Variants in GABBR2 observed in about 807,000 individuals in gnomAD.
The protein encoded by GABBR2 is G-protein coupled receptor 51.
A neutral mutation model predicts 105.6 loss-of-function variants in GABBR2; 23 were observed. The observed-to-expected ratio is 0.22, with a 90% CI of 0.16 to 0.31. GABBR2 has a LOEUF of 0.31. GABBR2 is among the 10% of genes least tolerant of loss of function. The pLI, the probability that GABBR2 is intolerant of heterozygous loss-of-function variation, is 1.00. For synonymous variants in GABBR2, 478 were observed against 499.7 expected (o/e 0.96, Z 0.58); for missense variants, 734 against 1,245.5 (o/e 0.59, Z 6.18).
At chr9:98,518,198 C>G (rs929171862) in intron 3 of GABBR2, among the ~76,000 whole-genome samples, 6 of 152,186 alleles carry the variant, frequency 3.9e-5, no homozygotes, top group African/African-American at 4.8e-5. Flanking sequence ...CCAGCCATTG[C>G]TAGCCCCTGG....
At chr9:98,391,965 G>A (rs1246675992) in intron 9 of GABBR2, among the ~76,000 whole-genome samples, 3 of 152,178 alleles carry the variant, frequency 2.0e-5, no homozygotes, top group South Asian at 2.1e-4. Flanking sequence ...GTAGGGGTCC[G>A]AGTGAGCGGG....
At chr9:98,378,664 G>A (rs1588130282) in intron 11 of GABBR2, among the ~76,000 whole-genome samples, 1 of 152,292 alleles carries the variant, frequency 6.6e-6, no homozygotes, top group East Asian at 1.9e-4. Context: ...AGACCCCCAG[G>A]TGGCTCAGTG....
At chr9:98,412,196 C>T (rs988807515) in intron 7 of GABBR2, among the ~76,000 whole-genome samples, 5 of 152,364 alleles carry the variant, frequency 3.3e-5, no homozygotes, top group African/African-American at 1.2e-4. Flanking sequence ...AGCTTTCATG[C>T]TTCAGCCAGT....
At chr9:98,524,396 A>T (rs1285377043) in intron 3 of GABBR2, among the ~76,000 whole-genome samples, 4 of 152,242 alleles carry the variant, frequency 2.6e-5, no homozygotes, top group Non-Finnish European at 5.9e-5. Flanking sequence ...AAATAGATGA[A>T]TTGGTTAAAA....
At chr9:98,598,440 A>C (rs1829270385) in intron 1 of GABBR2, among the ~76,000 whole-genome samples, 1 of 152,226 alleles carries the variant, frequency 6.6e-6, no homozygotes. Flanking sequence ...TGCATAAAGA[A>C]GAAAACAAAG....
chr9:98,600,969 C>G (rs968144261), intron 1 of GABBR2, among the ~76,000 whole-genome samples: 2 of 152,118 alleles, frequency 1.3e-5, no homozygotes, highest in African/African-American at 2.4e-5. Context: ...GCCCTCTGGT[C>G]CCCCGGTGAG....
chr9:98,420,825 G>C (rs1369949494), intron 7 of GABBR2, among the ~76,000 whole-genome samples: 1 of 152,236 alleles, frequency 6.6e-6, no homozygotes, highest in Non-Finnish European at 1.5e-5. Context: ...AGGTGGGAAA[G>C]TAGGCAGAGA....
chr9:98,648,282 C>T (rs1425426302), intron 1 of GABBR2, among the ~76,000 whole-genome samples: 1 of 151,980 alleles, frequency 6.6e-6, no homozygotes, highest in African/African-American at 2.4e-5. Context: ...CAGGCAGCTG[C>T]CACCACGCCC....
intron 1 of GABBR2, among the ~76,000 whole-genome samples, chr9:98,618,642 G>A (rs1173508477): frequency 6.6e-6 from 1 of 151,790 alleles, no homozygotes; most frequent in Non-Finnish European, 1.5e-5. Context: ...CTCTGTCTCT[G>A]TGAGTGCTTC....
chr9:98,596,951 C>T (rs911064189), intron 1 of GABBR2, among the ~76,000 whole-genome samples: 1 of 152,134 alleles, frequency 6.6e-6, no homozygotes, highest in Non-Finnish European at 1.5e-5. Flanking sequence ...GGAGGCCAGG[C>T]GACTACCTCG....
chr9:98,390,529 A>G (rs1461126889), intron 9 of GABBR2, among the ~76,000 whole-genome samples: 1 of 152,124 alleles, frequency 6.6e-6, no homozygotes, highest in African/African-American at 2.4e-5. Flanking sequence ...AAGCAATTCC[A>G]TGTAAACTAA....
intron 13 of GABBR2, among the ~76,000 whole-genome samples, chr9:98,322,112 G>A (rs1190723368): frequency 6.6e-6 from 1 of 152,044 alleles, no homozygotes; most frequent in African/African-American, 2.4e-5. Context: ...AGATGCAGGG[G>A]ATCCTATTTG....
At chr9:98,546,849 T>C (rs1828412512) in intron 2 of GABBR2, among the ~76,000 whole-genome samples, 1 of 61,262 alleles carries the variant, frequency 1.6e-5, no homozygotes, top group Non-Finnish European at 4.2e-5. Context: ...TCTATTCTTC[T>C]CTATTCTGGC....
chr9:98,424,380 G>A (rs1311033085), intron 7 of GABBR2, among the ~76,000 whole-genome samples: 1 of 151,010 alleles, frequency 6.6e-6, no homozygotes, highest in Non-Finnish European at 1.5e-5. Flanking sequence ...ATATCATACT[G>A]AATGGGCAAA....
chr9:98,479,103 A>G (rs1001000167), intron 5 of GABBR2, among the ~76,000 whole-genome samples: 1 of 151,750 alleles, frequency 6.6e-6, no homozygotes, highest in African/African-American at 2.4e-5. Flanking sequence ...TATATTTTCT[A>G]TTTTTCTCAT....
At chr9:98,535,203 T>G (rs563293767) in intron 3 of GABBR2, among the ~76,000 whole-genome samples, 111 of 152,250 alleles carry the variant, frequency 7.3e-4, no homozygotes, top group Non-Finnish European at 9.3e-4. Context: ...GTTCAAGTGA[T>G]TCTCCTGCCT....
chr9:98,584,455 C>G (rs1283445233), intron 1 of GABBR2, among the ~76,000 whole-genome samples: 3 of 152,118 alleles, frequency 2.0e-5, no homozygotes, highest in African/African-American at 7.2e-5. Flanking sequence ...TGTTCCACTG[C>G]CAAGGGCTTC....
At chr9:98,627,233 C>A (rs1409086950) in intron 1 of GABBR2, among the ~76,000 whole-genome samples, 1 of 152,128 alleles carries the variant, frequency 6.6e-6, no homozygotes, top group Non-Finnish European at 1.5e-5. Flanking sequence ...TGTGAATAAG[C>A]TAGTGAGACC....
chr9:98,610,353 G>A (rs1178378051), intron 1 of GABBR2, among the ~76,000 whole-genome samples: 9 of 152,216 alleles, frequency 5.9e-5, no homozygotes, highest in African/African-American at 7.2e-5. Context: ...CCTGCACTAC[G>A]TGAGGGCTCA....
Sources: allele counts gnomAD v4.1 joint callset (sites outside exome capture counted in the v4.1 genomes callset), GRCh38; gene constraint gnomAD v4.1.1; transcripts MANE v1.5; gene names NCBI Gene and HGNC (gene_info 2026-07-23, HGNC 2026-07-21).